The following SASH1 variants were observed in gnomAD, a reference collection of about 807,000 sequenced individuals.
SASH1 encodes SAM and SH3 domain containing 1.
In SASH1, 44 loss-of-function variants were observed where a neutral mutation model predicts 125.2. The ratio of observed to expected loss-of-function variants is 0.35; its 90% CI spans 0.28 to 0.45. SASH1 has a LOEUF of 0.45. Ranked by LOEUF, SASH1 falls within the 20% of genes least tolerant of loss-of-function variation. The probability of loss-of-function intolerance (pLI) is 1.00; values close to 1 mark genes in which losing one functional copy is unlikely to be tolerated. For synonymous variants in SASH1, 639 were observed against 649.1 expected, an observed-to-expected ratio of 0.98 and a Z score of 0.24; for missense variants, 1,426 against 1,614.5, an observed-to-expected ratio of 0.88 and a Z score of 2.00.
rs1331789767 is a variant in SASH1, at chr6:148,474,139, A to G, written c.544A>G (p.Ile182Val). ...AGACGTTGGTTATGTTGCCAGTGAAATAACGATGAGCGATGAGGAGCGGAT... is the reference window on the plus strand; with the variant it reads ...AGACGTTGGTTATGTTGCCAGTGAAGTAACGATGAGCGATGAGGAGCGGAT... ...GEDVGYVASE[I>V]TMSDEERIQL... Residue 182 changes from isoleucine (I) to valine (V), a missense_variant, in exon 7 of 20, where the codon ATA (isoleucine) becomes GTA (valine). Ile to Val is a conservative substitution (Grantham distance 29). This residue lies in a region of SASH1 where 567 missense variants were observed against 575.6 expected (regional missense o/e 0.99). Transcript: ENST00000367467. The G allele has an allele frequency of 3.1e-6, 5 of 1,612,030 alleles. No individual in the cohort carries two copies. The highest frequency in any genetic ancestry group is 4.2e-6 in the Non-Finnish European group (5 of 1,179,128).
the SASH1 span, among the ~76,000 whole-genome samples, chr6:148,213,904 A>G: frequency 7.4e-3 from 1,130 of 152,292 alleles, 10 homozygotes; most frequent in African/African-American, 0.026. Flanking sequence ...GTTCTAAGCC[A>G]TTATTTTCTA....
At chr6:148,358,060 CAAAAAAAAA>C (rs34729070) in intron 1 of SASH1, among the ~76,000 whole-genome samples, 1 of 65,628 alleles carries the variant, frequency 1.5e-5, no homozygotes, top group African/African-American at 6.3e-5. Context: ...AACTCCGTCT[CAAAAAAAAA>C]AAAAAAAAAA....
At chr6:148,445,006 G>A (rs1282507840) in intron 4 of SASH1, among the ~76,000 whole-genome samples, 1 of 152,214 alleles carries the variant, frequency 6.6e-6, no homozygotes, top group African/African-American at 2.4e-5. Flanking sequence ...GTAACTTCCA[G>A]ATGTTGCCAC....
intron 8 of SASH1, among the ~76,000 whole-genome samples, chr6:148,504,898 T>C (rs1562464385): frequency 1.3e-5 from 2 of 152,132 alleles, no homozygotes; most frequent in South Asian, 2.1e-4. Context: ...CAAGGTCGGC[T>C]CTCTCTCCCA....
rs529032332 is a variant in SASH1, at chr6:148,412,814, A to G, written c.285+22552A>G. 2.6e-3 allele frequency among the ~76,000 whole-genome samples: 400 copies of G among 152,320 alleles called. 7 individuals carry two copies. The highest frequency in any genetic ancestry group is 2.1e-3 in the Non-Finnish European group (142 of 68,034). On this transcript the variant is annotated intron_variant, in intron 2 of 19. Coordinates refer to ENST00000367467, the MANE Select transcript of SASH1 (RefSeq NM_015278.5). The stretch of plus-strand genomic sequence containing the variant: ...TTTAGAGGGGACAGACATCCAAACT[A>G]TATCACTAGGATGCTAAGTCATAAA...
intron 1 of SASH1, among the ~76,000 whole-genome samples, chr6:148,305,000 T>C (rs1013830444): frequency 1.3e-5 from 2 of 152,128 alleles, no homozygotes; most frequent in African/African-American, 4.8e-5. Flanking sequence ...CACTGCACTC[T>C]AGCCTGGGCG....
chr6:148,416,115 T>C (rs1270141003), intron 2 of SASH1, among the ~76,000 whole-genome samples: 1 of 152,190 alleles, frequency 6.6e-6, no homozygotes, highest in African/African-American at 2.4e-5. Context: ...GCCTCTTCAG[T>C]GTACCCTCAG....
intron 1 of SASH1, among the ~76,000 whole-genome samples, chr6:148,314,901 C>T (rs548635276): frequency 3.7e-4 from 56 of 151,748 alleles, no homozygotes; most frequent in African/African-American, 1.3e-3. Context: ...GGATTACAGG[C>T]GCCTGCTATC....
chr6:148,357,850 A>G (rs114861337), intron 1 of SASH1, among the ~76,000 whole-genome samples: 2,986 of 152,176 alleles, frequency 0.02, 91 homozygotes, highest in African/African-American at 0.068. Flanking sequence ...ACCTGAGGTC[A>G]GGCGTTCGAG....
intron 1 of SASH1, among the ~76,000 whole-genome samples, chr6:148,326,386 T>TATATATACACA (rs1780826472): frequency 3.2e-5 from 2 of 63,246 alleles, no homozygotes; most frequent in Non-Finnish European, 6.0e-5. Flanking sequence ...ATTCTTTTCT[T>TATATATACACA]TTCTTTTCTT....
At chr6:148,213,533 T>TGTGTGTGTGTGTGTGTGTGTGTG in the SASH1 span, among the ~76,000 whole-genome samples, 4 of 151,386 alleles carry the variant, frequency 2.6e-5, no homozygotes, top group Non-Finnish European at 5.9e-5. Context: ...TGTGTGTGTG[T>TGTGTGTGTGTGTGTGTGTGTGTG]TTAAAGTGTT....
chr6:148,434,063 ATTTTTTTTTTTTTTT>A (rs758854072), intron 2 of SASH1, among the ~76,000 whole-genome samples: 1 of 69,360 alleles, frequency 1.4e-5, no homozygotes, highest in Non-Finnish European at 2.6e-5. Context: ...GGAACTGGAG[ATTTTTTTTTTTTTTT>A]TTTTTTTTTT....
intron 8 of SASH1, among the ~76,000 whole-genome samples, chr6:148,505,640 T>TC (rs1779757699): frequency 6.7e-6 from 1 of 150,356 alleles, no homozygotes; most frequent in African/African-American, 2.5e-5. Flanking sequence ...TGTTGTTTTT[T>TC]TTTTTCTTTT....
the SASH1 span, among the ~76,000 whole-genome samples, chr6:148,249,522 C>T: frequency 4.6e-5 from 7 of 152,198 alleles, no homozygotes; most frequent in Non-Finnish European, 2.9e-5. Flanking sequence ...CATAAGCTTT[C>T]GGTCTAGACA....
At chr6:148,465,610 C>A (rs543392788) in intron 4 of SASH1, among the ~76,000 whole-genome samples, 1 of 151,828 alleles carries the variant, frequency 6.6e-6, no homozygotes, top group East Asian at 1.9e-4. Flanking sequence ...ACATATGGGG[C>A]TCCCTGTCCC....
the SASH1 span, among the ~76,000 whole-genome samples, chr6:148,206,832 A>ACACACACACACAC: frequency 1.2e-5 from 1 of 84,590 alleles, no homozygotes; most frequent in African/African-American, 5.5e-5. Context: ...CACACACACA[A>ACACACACACACAC]ATTAACATAA....
chr6:148,423,212 C>T (rs967707445), intron 2 of SASH1, among the ~76,000 whole-genome samples: 7 of 152,248 alleles, frequency 4.6e-5, no homozygotes, highest in African/African-American at 7.2e-5. Flanking sequence ...GTTGGGATTA[C>T]AGGCGTGAGC....
chr6:148,349,588 C>T (rs780217096), intron 1 of SASH1, among the ~76,000 whole-genome samples: 2 of 151,932 alleles, frequency 1.3e-5, no homozygotes, highest in Non-Finnish European at 2.9e-5. Flanking sequence ...CTTTTGTAGG[C>T]GATGGGGTGG....
chr6:148,453,006 T>C (rs895193964), intron 4 of SASH1, among the ~76,000 whole-genome samples: 2 of 152,238 alleles, frequency 1.3e-5, no homozygotes, highest in African/African-American at 4.8e-5. Context: ...CACAGCATAT[T>C]TGAAGGGCTC....
Sources: gnomAD v4.1 joint callset for allele counts (sites outside exome capture counted in the v4.1 genomes callset) on GRCh38, gnomAD v4.1.1 for gene constraint, gnomAD v4.1.1 regional missense constraint, MANE v1.5 for transcripts, NCBI Gene and HGNC (gene_info 2026-07-23, HGNC 2026-07-21) for gene names.